CCDC88B: variants seen among roughly 807,000 people sequenced by gnomAD.
CCDC88B encodes coiled-coil domain-containing protein 88B.
CCDC88B carries 138 observed loss-of-function variants against 183.7 expected under a neutral mutation model. The observed-to-expected ratio is 0.75, with a 90% CI of 0.65 to 0.87. CCDC88B has a LOEUF of 0.87. CCDC88B is among the 40% of genes least tolerant of loss of function. The probability of loss-of-function intolerance (pLI) is 0.00; values close to 1 mark genes in which losing one functional copy is unlikely to be tolerated. For missense variants in CCDC88B, 1,822 were observed against 1,965.6 expected, an observed-to-expected ratio of 0.93 and a Z score of 1.38; for synonymous variants, 835 against 867.5, an observed-to-expected ratio of 0.96 and a Z score of 0.66.
At chr11:64,349,003 G>A (rs941783898) in intron 14 of CCDC88B, 13 of 717,302 alleles carry the variant, frequency 1.8e-5, no homozygotes, top group African/African-American at 5.2e-5. Context: ...GCAGCCCACC[G>A]GGCGCATCCA....
chr11:64,354,172 TG>T lies in CCDC88B; in HGVS notation c.4099+5del. On this transcript the variant is annotated splice_donor_region_variant and intron_variant, in intron 24 of 26. Transcript: ENST00000356786. ...AGGGCAGGGAGGCAGATGGGACAGG[TG>T]GGTCTGGGGGTCAGGTGGCCAGGAT... The T allele has an allele frequency of 7.4e-7, 1 of 1,355,178 alleles. No individual in the cohort carries two copies. The highest frequency in any genetic ancestry group is 2.2e-5 in the South Asian group (1 of 44,910). The allele number at this position is 1,355,178 out of a possible 1,614,324, so 83.9% of individuals were successfully genotyped here.
rs755721099 is a variant in CCDC88B, at chr11:64,344,121, C to A, written c.1580C>A (p.Pro527His). The A allele has an allele frequency of 6.2e-7, 1 of 1,613,274 alleles. No individual in the cohort carries two copies. The highest frequency in any genetic ancestry group is 8.5e-7 in the Non-Finnish European group (1 of 1,179,924). ...GLVQKARDGG[P>H]QALDLAPPAL... ...GTTCAGAAGGCAAGGGATGGAGGCC[C>A]CCAGGCCTTGGACTTGGCTCCCCCG... Residue 527 changes from proline to histidine, a missense_variant, in exon 14 of 27, where the codon CCC (proline) becomes CAC (histidine). By Grantham distance (77) the Pro-to-His change is moderately conservative. Transcript: ENST00000356786. The surrounding 1 kb of genome is among the most constrained non-coding windows in gnomAD (Gnocchi z 4.5).
chr11:64,340,776 G>T (rs1215998900), intron 2 of CCDC88B, 24 bp downstream of exon 2: 7 of 1,590,898 alleles, frequency 4.4e-6, no homozygotes, highest in Non-Finnish European at 6.0e-6. Context: ...GGCCGGGGCG[G>T]TGGCGGGGAA....
chr11:64,353,274 G>T, intron 21 of CCDC88B, 34 bp downstream of exon 21: 1 of 1,572,520 alleles, frequency 6.4e-7, no homozygotes. Context: ...GTATGGGCGT[G>T]TGGTGGGGCA....
chr11:64,341,807 G>A, intron 7 of CCDC88B, 65 bp downstream of exon 7: 1 of 1,532,666 alleles, frequency 6.5e-7, no homozygotes, highest in South Asian at 1.3e-5. Flanking sequence ...GGAGCCGGTT[G>A]TGCAAGGGAG....
At position 64,357,316 on chromosome 11, in the gene CCDC88B, C is replaced by T; in HGVS notation, c.*222C>T. 1 of 723,570 alleles carries T rather than the reference C, an allele frequency of 1.4e-6. No homozygotes were observed. Among genetic ancestry groups the T allele is most frequent in the Non-Finnish European group, 2.6e-6 (1 of 390,482 alleles). 44.8% of individuals were successfully genotyped at this position (723,570 alleles called of 1,614,324 possible). A position where few individuals can be genotyped will look rare whatever the true frequency, so the allele number is the denominator to read the frequency against. On this transcript the variant is annotated 3_prime_UTR_variant, in exon 27 of 27. Transcript: ENST00000356786. ...GATGGCTGGCCCCCACGAGCAGCTC[C>T]AGGCTGGAGTTCTGGTTCTTCCAGG...
rs369536071 is a variant in CCDC88B, at chr11:64,345,074, C to T, written c.2533C>T (p.Arg845Trp). ...LRAQSEAAEERMQVLESEGRQ... is the reference protein window; with the variant it reads ...LRAQSEAAEEWMQVLESEGRQ... ...GGCCCAGTCGGAGGCCGCCGAGGAA[C>T]GGATGCAGGTGCTGGAGAGCGAGGG... The change falls in exon 14 of 27, where the codon CGG becomes TGG. Residue 845 changes from arginine to tryptophan, a missense_variant. Coordinates refer to ENST00000356786, the MANE Select transcript of CCDC88B (RefSeq NM_032251.6). 240 of 1,551,402 alleles carry T rather than the reference C, an allele frequency of 1.5e-4. No individual in the cohort carries two copies. The highest frequency in any genetic ancestry group is 9.5e-4 in the East Asian group (40 of 42,094).
chr11:64,343,806 G>A lies in CCDC88B; in HGVS notation c.1347G>A (p.Leu449=), dbSNP rs891945261. Reference sequence around the variant, plus strand: ...CCCTAGCAGGAGCGGCCCCCTCGCTGCAAGATGAGGTGAGGGAGGCAGAGG... The same window carrying A: ...CCCTAGCAGGAGCGGCCCCCTCGCTACAAGATGAGGTGAGGGAGGCAGAGG... ...EAPLAGAAPS[L]QDEVREAEAG... The change falls in exon 13 of 27, where the codon CTG becomes CTA. Residue 449 remains leucine (L), a synonymous_variant. Coordinates refer to ENST00000356786, the MANE Select transcript of CCDC88B (RefSeq NM_032251.6). The A allele has an allele frequency of 1.1e-5, 18 of 1,588,848 alleles. No individual in the cohort carries two copies. In the East Asian group the frequency reaches 4.1e-4, roughly 36 times the overall value.
chr11:64,354,150 G>C lies in CCDC88B; in HGVS notation c.4079G>C (p.Gly1360Ala), dbSNP rs199683609. The C allele has an allele frequency of 1.2e-4, 171 of 1,368,450 alleles. No homozygotes were observed. In the African/African-American group the frequency reaches 2.4e-3, roughly 19 times the overall value. 84.8% of individuals were successfully genotyped at this position (1,368,450 alleles called of 1,614,324 possible). A position where few individuals can be genotyped will look rare whatever the true frequency, so the allele number is the denominator to read the frequency against. Residue 1360 changes from glycine to alanine, a missense_variant, in exon 24 of 27, where the codon GGC becomes GCC. Physicochemically the swap from Gly to Ala is moderately conservative, Grantham distance 60 (BLOSUM62 0). Transcript: ENST00000356786. ...CCCCCGGAGACGGAGCTTCCTGAGG[G>C]CAGGGAGGCAGATGGGACAGGTGGG... ...GGPPETELPE[G>A]READGTGSPS...
In CCDC88B at chr11:64,349,434, G is replaced by A. The variant is rs369853542; in HGVS notation, c.2720G>A (p.Arg907Gln). 1.5e-4 allele frequency: 239 copies of A among 1,606,452 alleles called. No individual in the cohort carries two copies. Among genetic ancestry groups the A allele is most frequent in the Admixed American group, 3.5e-4 (21 of 59,430 alleles). ...QAALERQEFL[R>Q]EKESQHQRYQ... is the part of the protein sequence containing the mutation. ...GCTCTCGAGCGCCAGGAATTTCTGC[G>A]AGAAAAGGAAAGCCAGCACCAGAGG... Residue 907 changes from arginine (R) to glutamine (Q), a missense_variant, in exon 15 of 27, where the codon CGA becomes CAA. Coordinates refer to ENST00000356786, the MANE Select transcript of CCDC88B (RefSeq NM_032251.6).
chr11:64,349,201 G>T, intron 14 of CCDC88B, 130 bp from the exon 15 acceptor site: 1 of 1,096,676 alleles, frequency 9.1e-7, no homozygotes. Flanking sequence ...GGGAAGTAGA[G>T]CCCAAAGGCT....
At position 64,342,324 on chromosome 11, in the gene CCDC88B, C is replaced by A; in HGVS notation, c.852C>A (p.Ser284=). Residue 284 remains serine, a synonymous_variant, in exon 9 of 27, where the codon TCC becomes TCA. Coordinates refer to ENST00000356786, the MANE Select transcript of CCDC88B (RefSeq NM_032251.6). ...LEEKAELLLD[S]QAEVQGLEAE... The stretch of plus-strand genomic sequence containing the variant: ...AGAAGGCCGAGCTGCTGCTAGACTC[C>A]CAGGCCGAGGTGCAGGGTTTGGAGG... The A allele has an allele frequency of 6.3e-7, 1 of 1,594,622 alleles. No homozygotes were observed. The highest frequency in any genetic ancestry group is 8.5e-7 in the Non-Finnish European group (1 of 1,171,244).
intron 22 of CCDC88B, 40 bp from the exon 23 acceptor site, chr11:64,353,675 C>G: frequency 6.2e-7 from 1 of 1,610,000 alleles, no homozygotes; most frequent in Non-Finnish European, 8.5e-7. Context: ...CTCGGCCTCC[C>G]TGGGCCTCAC....
intron 10 of CCDC88B, 21 bp from the exon 11 acceptor site, chr11:64,343,158 T>C (rs542984933): frequency 2.6e-6 from 4 of 1,514,502 alleles, no homozygotes; most frequent in Non-Finnish European, 3.5e-6. Flanking sequence ...TGGCTACCGG[T>C]TCTCCCTGCT....
intron 14 of CCDC88B, 124 bp from the exon 15 acceptor site, chr11:64,349,207 A>C (rs1000173374): frequency 8.6e-7 from 1 of 1,157,194 alleles, no homozygotes; most frequent in Non-Finnish European, 1.2e-6. Context: ...TAGAGCCCAA[A>C]GGCTTAATGA....
intron 1 of CCDC88B, 32 bp from the exon 2 acceptor site, chr11:64,340,575 C>T: frequency 6.3e-7 from 1 of 1,594,402 alleles, no homozygotes; most frequent in Non-Finnish European, 8.5e-7. Context: ...GTTCACTCTG[C>T]TGGTCGGCTG....
intron 11 of CCDC88B, 24 bp from the exon 12 acceptor site, chr11:64,343,483 G>C (rs1024338362): frequency 2.1e-5 from 23 of 1,088,484 alleles, no homozygotes; most frequent in Non-Finnish European, 2.7e-5. Context: ...TGGAGGGCTT[G>C]TCTGACCCTT....
chr11:64,354,098 G>T lies in CCDC88B; in HGVS notation c.4027G>T (p.Ala1343Ser). Residue 1343 changes from alanine to serine, a missense_variant, in exon 24 of 27, where the codon GCT becomes TCT. Physicochemically the swap from Ala to Ser is moderately conservative, Grantham distance 99 (BLOSUM62 1). Transcript: ENST00000356786. Reference protein sequence around the residue: ...PGGLRLGADGAGSTESLGGPP... With the variant: ...PGGLRLGADGSGSTESLGGPP... ...GGGGCTGCGCCTGGGGGCCGATGGG[G>T]CTGGCAGCACCGAGAGCCTGGGGGG... The T allele has an allele frequency of 7.1e-7, 1 of 1,407,660 alleles. No individual in the cohort carries two copies. The highest frequency in any genetic ancestry group is 9.3e-7 in the Non-Finnish European group (1 of 1,075,066). The allele number at this position is 1,407,660 out of a possible 1,614,324, so 87.2% of individuals were successfully genotyped here. A position where few individuals can be genotyped will look rare whatever the true frequency, so the allele number is the denominator to read the frequency against.
In CCDC88B at chr11:64,349,585, CTGCAGGCGGCGGCGA is replaced by C. The variant is rs1189201221; in HGVS notation, c.2780_2794del (p.Leu927_Thr932delinsPro). 1.2e-6 allele frequency: 2 copies of C among 1,601,456 alleles called. No individual in the cohort carries two copies. Among genetic ancestry groups the C allele is most frequent in the African/African-American group, 1.3e-5 (1 of 74,912 alleles). On this transcript the variant is annotated inframe_deletion, in exon 16 of 27. Transcript: ENST00000356786. The stretch of plus-strand genomic sequence containing the variant: ...CTTGGAGCAGCGGCTGGAAGCTGAG[CTGCAGGCGGCGGCGA>C]CCAGCAAGGAGGAGGCGCTGATGGA...
Sources: gnomAD v4.1 joint callset for allele counts on GRCh38, gnomAD v4.1.1 for gene constraint, Gnocchi (gnomAD v3.1) non-coding constraint, MANE v1.5 for transcripts, NCBI Gene and HGNC (gene_info 2026-07-23, HGNC 2026-07-21) for gene names.